The following MLLT10 variants were observed in gnomAD, a reference collection of about 807,000 sequenced individuals.
MLLT10 encodes protein AF-10.
In MLLT10, 30 loss-of-function variants were observed where a neutral mutation model predicts 129.1. That is an observed-to-expected ratio of 0.23 (90% CI 0.17 to 0.32). The LOEUF (loss-of-function observed/expected upper bound fraction) is 0.32, where lower values mean the gene tolerates loss of function less well. MLLT10 is among the 10% of genes least tolerant of loss of function. The pLI is 1.00. For missense variants in MLLT10, 1,119 were observed against 1,268.3 expected, an observed-to-expected ratio of 0.88 and a Z score of 1.79; for synonymous variants, 490 against 446.4, an observed-to-expected ratio of 1.10 and a Z score of -1.23.
rs566527859 is a variant in MLLT10 at position 21,690,853 on chromosome 10, T to G, written c.1699+8596T>G. Reference sequence around the variant, plus strand: ...AACTCTTCTTTTGTGTTGATTCAGGTCCTTATCATCTCTTGCACAGATTAT... The same window carrying G: ...AACTCTTCTTTTGTGTTGATTCAGGGCCTTATCATCTCTTGCACAGATTAT... On this transcript the variant is annotated intron_variant, in intron 13 of 22. Coordinates refer to ENST00000307729, the MANE Select transcript of MLLT10 (RefSeq NM_001195626.3). Among the ~76,000 whole-genome samples the G allele has an allele frequency of 3.9e-4, 60 of 152,280 alleles. No homozygotes were observed. In the South Asian group the frequency reaches 6.0e-3, roughly 15 times the overall value.
intron 3 of MLLT10, among the ~76,000 whole-genome samples, chr10:21,543,293 G>C (rs1295491636): frequency 6.6e-6 from 1 of 151,898 alleles, no homozygotes; most frequent in Non-Finnish European, 1.5e-5. Context: ...GCTAATTTTT[G>C]TATTTTTAGT....
intron 13 of MLLT10, among the ~76,000 whole-genome samples, chr10:21,704,099 C>G (rs1334813268): frequency 6.9e-6 from 1 of 144,962 alleles, no homozygotes; most frequent in Non-Finnish European, 1.5e-5. Context: ...AGCCTCTGCC[C>G]CCTAGGTTCA....
At chr10:21,627,021 C>T (rs1238828453) in intron 8 of MLLT10, among the ~76,000 whole-genome samples, 2 of 152,054 alleles carry the variant, frequency 1.3e-5, no homozygotes, top group Admixed American at 1.3e-4. Flanking sequence ...GGCATTGAGC[C>T]AGGCAGCCAG....
chr10:21,611,375 T>TC (rs2044640041), intron 5 of MLLT10, among the ~76,000 whole-genome samples: 1 of 151,974 alleles, frequency 6.6e-6, no homozygotes, highest in African/African-American at 2.4e-5. Context: ...TTTTTTTTTT[T>TC]CTGTGTCCTT....
chr10:21,651,907 T>A, intron 9 of MLLT10, 139 bp downstream of exon 9: 6 of 385,640 alleles, frequency 1.6e-5, no homozygotes, highest in Admixed American at 8.9e-5. Context: ...TCATTTCTTT[T>A]TTTTTTTTTT....
intron 8 of MLLT10, among the ~76,000 whole-genome samples, chr10:21,647,429 A>G (rs906299004): frequency 6.6e-6 from 1 of 152,140 alleles, no homozygotes; most frequent in Non-Finnish European, 1.5e-5. Context: ...GCTAAGGCAG[A>G]AGGATCCTTT....
chr10:21,622,153 C>CTTTTTTTTTTT (rs71393915), intron 8 of MLLT10, among the ~76,000 whole-genome samples: 1 of 99,814 alleles, frequency 1.0e-5, no homozygotes, highest in Non-Finnish European at 1.9e-5. Flanking sequence ...TTTGTTTTTC[C>CTTTTTTTTTTT]TTTTTTTTTT....
intron 13 of MLLT10, among the ~76,000 whole-genome samples, chr10:21,704,427 A>T (rs1173118615): frequency 6.7e-6 from 1 of 149,194 alleles, no homozygotes; most frequent in African/African-American, 2.5e-5. Flanking sequence ...TTAATTTATT[A>T]TTCATATTAT....
chr10:21,721,836 T>C (rs2057154236), intron 14 of MLLT10, among the ~76,000 whole-genome samples: 1 of 152,092 alleles, frequency 6.6e-6, no homozygotes. Flanking sequence ...TTCAATTTAT[T>C]CTTAATCTAC....
rs2049033966 is a variant in MLLT10, at chr10:21,651,552, G to A, written c.700-121G>A. On this transcript the variant is annotated intron_variant, in intron 8 of 22. Coordinates refer to ENST00000307729, the MANE Select transcript of MLLT10 (RefSeq NM_001195626.3). ...TTATAAAACAACACAATGATCAGAG[G>A]AAGTGATTTTTGACAGAAGTATTTG... The A allele has an allele frequency of 3.2e-6, 2 of 634,132 alleles. 1 individual carries two copies. The highest frequency in any genetic ancestry group is 4.5e-5 in the South Asian group (2 of 44,498). The allele number at this position is 634,132 out of a possible 1,614,324, so 39.3% of individuals were successfully genotyped here. A position where few individuals can be genotyped will look rare whatever the true frequency, so the allele number is the denominator to read the frequency against.
chr10:21,645,521 T>C (rs1483829529), intron 8 of MLLT10, among the ~76,000 whole-genome samples: 1 of 152,216 alleles, frequency 6.6e-6, no homozygotes, highest in Admixed American at 6.5e-5. Context: ...ACATGTTCTT[T>C]TTCTTTCTTA....
At chr10:21,633,621 G>T (rs967360617) in intron 8 of MLLT10, among the ~76,000 whole-genome samples, 2 of 152,156 alleles carry the variant, frequency 1.3e-5, no homozygotes, top group Non-Finnish European at 2.9e-5. Context: ...CTTGAGCCCA[G>T]GAAGTCGAGG....
intron 13 of MLLT10, among the ~76,000 whole-genome samples, chr10:21,684,069 T>TC (rs2053028824): frequency 1.3e-5 from 2 of 152,088 alleles, no homozygotes; most frequent in African/African-American, 4.8e-5. Context: ...TGCAGTGGCA[T>TC]GATCGATCAT....
intron 3 of MLLT10, among the ~76,000 whole-genome samples, chr10:21,573,558 G>T (rs555409583): frequency 4.0e-5 from 6 of 151,694 alleles, no homozygotes; most frequent in Admixed American, 6.6e-5. Context: ...ATTTTCAAAT[G>T]TTACGCTAAA....
intron 9 of MLLT10, among the ~76,000 whole-genome samples, chr10:21,664,693 A>C (rs977770185): frequency 6.6e-6 from 1 of 151,156 alleles, no homozygotes; most frequent in Non-Finnish European, 1.5e-5. Flanking sequence ...CTATATCCTT[A>C]CTCGTTTTTT....
chr10:21,646,303 C>A (rs534289601), intron 8 of MLLT10, among the ~76,000 whole-genome samples: 1 of 152,160 alleles, frequency 6.6e-6, no homozygotes, highest in Non-Finnish European at 1.5e-5. Flanking sequence ...CCCAGTTTAA[C>A]ATTTAGGTTC....
intron 5 of MLLT10, among the ~76,000 whole-genome samples, chr10:21,610,271 A>G (rs996616744): frequency 1.3e-5 from 2 of 152,160 alleles, no homozygotes; most frequent in African/African-American, 4.8e-5. Flanking sequence ...AATGGGAGCT[A>G]CCAGGTCTGA....
At chr10:21,632,759 G>A (rs980163310) in intron 8 of MLLT10, among the ~76,000 whole-genome samples, 6 of 152,110 alleles carry the variant, frequency 3.9e-5, no homozygotes, top group Non-Finnish European at 8.8e-5. Flanking sequence ...AGCAGTGAGA[G>A]TGTTATAGTA....
intron 3 of MLLT10, among the ~76,000 whole-genome samples, chr10:21,561,382 T>A (rs1257539396): frequency 6.6e-6 from 1 of 152,148 alleles, no homozygotes; most frequent in East Asian, 1.9e-4. Context: ...TGCCTCACCC[T>A]TCCGAGTAGC....
Sources: gnomAD v4.1 joint callset for allele counts (sites outside exome capture counted in the v4.1 genomes callset) on GRCh38, gnomAD v4.1.1 for gene constraint, MANE v1.5 for transcripts, NCBI Gene and HGNC (gene_info 2026-07-23, HGNC 2026-07-21) for gene names.